Variants in TRIM16 observed in about 807,000 individuals in gnomAD.
TRIM16 encodes the protein tripartite motif containing 16, also known as tripartite motif-containing protein 16.
Under a neutral mutation model 50.4 loss-of-function variants are expected in TRIM16, and 33 were observed. That is an observed-to-expected ratio of 0.65 (90% CI 0.50 to 0.88). The LOEUF (loss-of-function observed/expected upper bound fraction) is 0.88. Among genes scored for constraint, TRIM16 ranks in the 40% least tolerant of loss-of-function variants. The probability of loss-of-function intolerance (pLI) is 0.00; values close to 1 mark genes in which losing one functional copy is unlikely to be tolerated. For missense variants in TRIM16, 581 were observed against 686.8 expected (o/e 0.85, Z 1.72); for synonymous variants, 229 against 270.7 (o/e 0.85, Z 1.51).
At chr17:15,629,796 C>CA (rs1442998427) in intron 11 of TRIM16, among the ~76,000 whole-genome samples, 1 of 152,230 alleles carries the variant, frequency 6.6e-6, no homozygotes, top group Middle Eastern at 3.2e-3. Flanking sequence ...CCTCACTACA[C>CA]ACACAGGAAG....
intron 7 of TRIM16, among the ~76,000 whole-genome samples, chr17:15,647,195 C>T (rs1404284258): frequency 6.6e-6 from 1 of 151,842 alleles, no homozygotes; most frequent in Non-Finnish European, 1.5e-5. Flanking sequence ...TGGTCTCAAA[C>T]TCCTGACCTC....
At chr17:15,660,300 C>T (rs535187011) in intron 6 of TRIM16, among the ~76,000 whole-genome samples, 6 of 152,310 alleles carry the variant, frequency 3.9e-5, no homozygotes, top group African/African-American at 1.4e-4. Context: ...GACAATGAGC[C>T]GGTTCCTCTA....
At chr17:15,673,121 C>A (rs552938283) in intron 6 of TRIM16, among the ~76,000 whole-genome samples, 149 of 152,340 alleles carry the variant, frequency 9.8e-4, no homozygotes, top group African/African-American at 3.4e-3. Flanking sequence ...AGCCAACTGG[C>A]TCCAGGAACT....
chr17:15,677,026 A>G (rs915242183), intron 6 of TRIM16, 150 bp downstream of exon 6: 2 of 270,380 alleles, frequency 7.4e-6, no homozygotes, highest in African/African-American at 2.3e-5. Context: ...GAGTCTGGGA[A>G]GAAATAAAGA....
At chr17:15,668,761 A>C (rs1451000915) in intron 6 of TRIM16, among the ~76,000 whole-genome samples, 1 of 152,240 alleles carries the variant, frequency 6.6e-6, no homozygotes, top group African/African-American at 2.4e-5. Flanking sequence ...GATGGAACAC[A>C]GTCCAAAAAC....
intron 7 of TRIM16, among the ~76,000 whole-genome samples, chr17:15,649,438 C>G (rs1455492670): frequency 1.3e-5 from 2 of 152,068 alleles, no homozygotes; most frequent in African/African-American, 4.8e-5. Context: ...AGTCGCCCGC[C>G]ACCACACCCA....
At chr17:15,651,067 G>A (rs1987667905) in intron 7 of TRIM16, 24 bp downstream of exon 7, 1 of 1,584,348 alleles carries the variant, frequency 6.3e-7, no homozygotes, top group South Asian at 1.2e-5. Context: ...CTCCCAAATG[G>A]ATGAATGGTC....
chr17:15,678,528 G>A (rs1989043483), intron 4 of TRIM16, among the ~76,000 whole-genome samples: 1 of 152,138 alleles, frequency 6.6e-6, no homozygotes. Flanking sequence ...TTCCCCTTCT[G>A]ACTGGCTGGT....
At chr17:15,662,110 G>A (rs367836114) in intron 6 of TRIM16, among the ~76,000 whole-genome samples, 26 of 152,318 alleles carry the variant, frequency 1.7e-4, no homozygotes, top group African/African-American at 5.8e-4. Context: ...GCAGCCTGTC[G>A]GCCAGTGGTG....
At chr17:15,629,530 C>G (rs1266972650) in intron 11 of TRIM16, among the ~76,000 whole-genome samples, 2 of 152,274 alleles carry the variant, frequency 1.3e-5, no homozygotes, top group African/African-American at 2.4e-5. Flanking sequence ...TGGCATTATC[C>G]TACCCAGTGT....
At chr17:15,647,345 TG>T (rs1163333801) in intron 7 of TRIM16, among the ~76,000 whole-genome samples, 2 of 152,234 alleles carry the variant, frequency 1.3e-5, no homozygotes, top group African/African-American at 4.8e-5. Flanking sequence ...AGGCTGTGAG[TG>T]ATGCCAGTTA....
rs1169348292 is a variant in TRIM16, at chr17:15,683,134, A to G, written c.-875T>C. ...TTCCGTTCTCCACGTATCTTCCTGG[A>G]AATTGCCAGCATTCTACCAGAAACT... is the stretch of plus-strand genomic sequence containing the variant. On this transcript the variant is annotated 5_prime_UTR_variant, in exon 2 of 12. Coordinates refer to ENST00000649191, the MANE Select transcript of TRIM16 (RefSeq NM_001348119.1). 6.5e-7 allele frequency: 1 copy of G among 1,549,946 alleles called. No individual in the cohort carries two copies. Among genetic ancestry groups the G allele is most frequent in the Non-Finnish European group, 8.7e-7 (1 of 1,146,728 alleles).
chr17:15,647,140 TA>T, intron 7 of TRIM16, among the ~76,000 whole-genome samples: 1 of 151,206 alleles, frequency 6.6e-6, no homozygotes, highest in South Asian at 2.1e-4. Context: ...CTAATTTTTG[TA>T]TTTTTTTTTT....
At chr17:15,661,232 A>C (rs1476728) in intron 6 of TRIM16, among the ~76,000 whole-genome samples, 1 of 151,976 alleles carries the variant, frequency 6.6e-6, no homozygotes, top group African/African-American at 2.4e-5. Context: ...AAAACCTTAC[A>C]GTTTGTGAGA....
At chr17:15,647,816 TACACACACACAC>T (rs558765410) in intron 7 of TRIM16, among the ~76,000 whole-genome samples, 3 of 139,208 alleles carry the variant, frequency 2.2e-5, no homozygotes, top group East Asian at 2.1e-4. Flanking sequence ...CCAGATTTCA[TACACACACACAC>T]ACACACACAC....
chr17:15,673,506 T>A (rs1290498830), intron 6 of TRIM16, among the ~76,000 whole-genome samples: 1 of 152,094 alleles, frequency 6.6e-6, no homozygotes, highest in Admixed American at 6.5e-5. Context: ...CAGGGAAATC[T>A]CAGGTTCTGG....
At position 15,640,263 on chromosome 17, in the gene TRIM16, C is replaced by T. The variant is rs990504355; in HGVS notation, c.615+2458G>A. Among the ~76,000 whole-genome samples the T allele has an allele frequency of 3.4e-5, 5 of 148,014 alleles. 1 individual carries two copies. Among genetic ancestry groups the T allele is most frequent in the Non-Finnish European group, 7.5e-5 (5 of 66,822 alleles). On this transcript the variant is annotated intron_variant, in intron 8 of 11. Coordinates refer to ENST00000649191, the MANE Select transcript of TRIM16 (RefSeq NM_001348119.1). ...TGACCTCTCCCTCTGGGCCCTGGCA[C>T]ATTCACTAGGATGAGCTGGGGAGGT...
chr17:15,646,171 A>G lies in TRIM16; in HGVS notation c.520-3355T>C, dbSNP rs8068639. Among the ~76,000 whole-genome samples, 646 of 152,262 alleles carry G rather than the reference A, an allele frequency of 4.2e-3. 4 individuals are homozygous for G. The highest frequency in any genetic ancestry group is 0.015 in the African/African-American group (620 of 41,536). ...GCAGACTACCATAAAAGGAGAGAAA[A>G]GGACTCCTTAAGTACATAATCGGGG... is the stretch of plus-strand genomic sequence containing the variant. On this transcript the variant is annotated intron_variant, in intron 7 of 11. Coordinates refer to ENST00000649191, the MANE Select transcript of TRIM16 (RefSeq NM_001348119.1).
chr17:15,673,278 T>C (rs3901067), intron 6 of TRIM16, among the ~76,000 whole-genome samples: 10,935 of 152,310 alleles, frequency 0.072, 786 homozygotes, highest in East Asian at 0.18. Context: ...TCAAAAATTA[T>C]TTCCAGATAT....
Sources: allele counts gnomAD v4.1 joint callset (sites outside exome capture counted in the v4.1 genomes callset), GRCh38; gene constraint gnomAD v4.1.1; transcripts MANE v1.5; gene names NCBI Gene and HGNC (gene_info 2026-07-23, HGNC 2026-07-21).